Variants in SREBF1 observed in about 807,000 individuals in gnomAD.
SREBF1 encodes sterol regulatory element-binding protein 1.
A neutral mutation model predicts 100.1 loss-of-function variants in SREBF1; 45 were observed. The ratio of observed to expected loss-of-function variants is 0.45; its 90% confidence interval spans 0.35 to 0.58. The LOEUF (loss-of-function observed/expected upper bound fraction) is 0.58. Among genes scored for constraint, SREBF1 ranks in the 20% least tolerant of loss-of-function variants. The pLI is 0.00. For missense variants in SREBF1, 1,324 were observed against 1,539.4 expected (o/e 0.86, Z 2.34); for synonymous variants, 657 against 681.8 (o/e 0.96, Z 0.57).
In SREBF1 at chr17:17,812,714, T is replaced by C. The variant is rs778987370; in HGVS notation, c.3352A>G (p.Thr1118Ala). ...RVGMLAEAARTLEKLGDRRLL... is the reference protein window; with the variant it reads ...RVGMLAEAARALEKLGDRRLL... ...CGGCGATCGCCAAGCTTCTCGAGTG[T>C]GCGCGCCGCCTCAGCCAGCATGCCC... Residue 1118 changes from threonine (T) to alanine (A), a missense_variant, in exon 19 of 19, where the codon ACA (threonine) becomes GCA (alanine). Transcript: ENST00000261646. 1 of 1,595,980 alleles carries C rather than the reference T, an allele frequency of 6.3e-7. No individual in the cohort carries two copies. Among genetic ancestry groups the C allele is most frequent in the Non-Finnish European group, 8.5e-7 (1 of 1,171,542 alleles).
At chr17:17,828,776 T>C (rs1455668920) in intron 1 of SREBF1, among the ~76,000 whole-genome samples, 2 of 152,036 alleles carry the variant, frequency 1.3e-5, no homozygotes, top group African/African-American at 4.8e-5. Flanking sequence ...TAGCTGGGCA[T>C]GGTGGCATGA....
intron 1 of SREBF1, among the ~76,000 whole-genome samples, chr17:17,832,964 C>T (rs1192197366): frequency 6.6e-6 from 1 of 151,400 alleles, no homozygotes; most frequent in East Asian, 1.9e-4. Context: ...AAAAAACCGG[C>T]CTCAGTGTCC....
At chr17:17,819,893 G>C in intron 2 of SREBF1, 168 bp from the exon 3 acceptor site, 2 of 1,194,790 alleles carry the variant, frequency 1.7e-6, no homozygotes, top group East Asian at 5.1e-5. Flanking sequence ...CTTCAAGCCA[G>C]GCCTCCAGTG....
In SREBF1 at chr17:17,816,519, GCA is replaced by G; in HGVS notation, c.1983_1984del (p.Ala662Ter). On this transcript the variant is annotated frameshift_variant, in exon 10 of 19. Transcript: ENST00000261646. LOFTEE classifies it high-confidence loss of function. ...GGCTGCGTCTCGGGCGCTGGCGCTA[GCA>G]TCCACTCGCAGAGCACAGTCCTGCT... is the stretch of plus-strand genomic sequence containing the variant. 1.2e-6 allele frequency: 2 copies of G among 1,602,720 alleles called. No homozygotes were observed.
Position 17,820,208 on chromosome 17 carries a change from G to C in SREBF1, c.405C>G (p.Pro135=), listed in dbSNP as rs771418665. 6.2e-6 allele frequency: 10 copies of C among 1,613,518 alleles called. No homozygotes were observed. The highest frequency in any genetic ancestry group is 1.3e-5 in the African/African-American group (1 of 75,018). The part of the protein sequence containing the change: ...ESVPLSILQT[P]TPQPLPGALL... ...GGGCCCCTGGCAGGGGCTGTGGGGT[G>C]GGGGTCTGCAGGATGCTCAGTGGCA... is the stretch of plus-strand genomic sequence containing the variant. The change falls in exon 2 of 19, where the codon CCC becomes CCG. Residue 135 remains proline (P), a synonymous_variant. Coordinates refer to ENST00000261646, the MANE Select transcript of SREBF1 (RefSeq NM_004176.5).
rs1172544238 is a variant in SREBF1 at position 17,820,083 on chromosome 17, C to A, written c.523+7G>T. On this transcript the variant is annotated splice_region_variant and intron_variant, in intron 2 of 18. Transcript: ENST00000261646. ...GGGTGTCCCCTCCCGCCACACATCCCCCTTACCTGTAGAGAAGCCTCCCGG... is the reference window on the plus strand; with the variant it reads ...GGGTGTCCCCTCCCGCCACACATCCACCTTACCTGTAGAGAAGCCTCCCGG... 2 of 1,610,280 alleles carry A rather than the reference C, an allele frequency of 1.2e-6. No homozygotes were observed. The highest frequency in any genetic ancestry group is 2.7e-5 in the African/African-American group (2 of 74,848).
At chr17:17,815,730 C>T (rs2143012004) in intron 12 of SREBF1, 130 bp downstream of exon 12, 1 of 1,036,736 alleles carries the variant, frequency 9.6e-7, no homozygotes, top group Admixed American at 2.1e-5. Context: ...CTGCAACCCC[C>T]ACAGCAACAA....
intron 5 of SREBF1, 183 bp from the exon 6 acceptor site, chr17:17,818,557 C>A (rs1424312857): frequency 1.6e-6 from 1 of 634,712 alleles, no homozygotes; most frequent in East Asian, 2.8e-5. Flanking sequence ...CCAGGCCGGG[C>A]ATAGGGTTAG....
intron 16 of SREBF1, 114 bp from the exon 17 acceptor site, chr17:17,813,883 C>T (rs1310810219): frequency 7.2e-6 from 8 of 1,108,094 alleles, no homozygotes; most frequent in African/African-American, 4.6e-5. Context: ...GCACTGCACC[C>T]GCCTCACACA....
chr17:17,815,037 G>T (rs556284190), intron 13 of SREBF1, 93 bp from the exon 14 acceptor site: 1 of 1,328,630 alleles, frequency 7.5e-7, no homozygotes, highest in Non-Finnish European at 1.1e-6. Context: ...CTGGCCCCTG[G>T]CTCTGCAAAG....
rs759552832 is a variant in SREBF1, at chr17:17,812,593, CAG to C, written c.*27_*28del. 896 of 1,571,266 alleles carry C rather than the reference CAG, an allele frequency of 5.7e-4. 1 individual carries two copies. The highest frequency in any genetic ancestry group is 8.0e-4 in the Admixed American group (44 of 55,338). On this transcript the variant is annotated 3_prime_UTR_variant, in exon 19 of 19. Transcript: ENST00000261646. Reference sequence around the variant, plus strand: ...TGCACGGGACCAAAGTGGCTAGAGACAGGGGTGCTGAGGCCGGGGACACGGGG... The same window carrying C: ...TGCACGGGACCAAAGTGGCTAGAGACGGGTGCTGAGGCCGGGGACACGGGG...
At position 17,836,641 on chromosome 17, in the gene SREBF1, G is replaced by C. The variant is rs537152415; in HGVS notation, c.91+86C>G. On this transcript the variant is annotated intron_variant, in intron 1 of 18. Transcript: ENST00000261646. ...AGCACAGCACGGAGCTGGCGCCCGT[G>C]GGGGAGACAAAGGCCAGGGAGACAC... 1.3e-4 allele frequency: 181 copies of C among 1,355,772 alleles called. No individual in the cohort carries two copies. The South Asian group carries it at 2.1e-3, about 16-fold the overall frequency. The allele number at this position is 1,355,772 out of a possible 1,614,324, so 84.0% of individuals were successfully genotyped here.
At chr17:17,818,167 A>G in intron 6 of SREBF1, 93 bp downstream of exon 6, 1 of 600,018 alleles carries the variant, frequency 1.7e-6, no homozygotes, top group Non-Finnish European at 2.3e-6. Flanking sequence ...GCCAGAACCA[A>G]GGGTGGGGTG....
At chr17:17,823,673 G>A in intron 1 of SREBF1, 1 of 1,037,918 alleles carries the variant, frequency 9.6e-7, no homozygotes, top group Non-Finnish European at 1.3e-6. Context: ...GCCCCGCCCC[G>A]CCCCCAGCCC....
chr17:17,814,791 C>CGGGGGAGCTGAG, intron 14 of SREBF1, 44 bp from the exon 15 acceptor site: 1 of 1,609,596 alleles, frequency 6.2e-7, no homozygotes, highest in Non-Finnish European at 8.5e-7. Flanking sequence ...TCACGCTGCA[C>CGGGGGAGCTGAG]GGGGGAGCTG....
chr17:17,818,059 G>C (rs1310781244), intron 6 of SREBF1, 143 bp from the exon 7 acceptor site: 3 of 950,188 alleles, frequency 3.2e-6, no homozygotes, highest in Non-Finnish European at 4.9e-6. Flanking sequence ...TAGGGCCAAA[G>C]GGAGGCACCA....
intron 1 of SREBF1, among the ~76,000 whole-genome samples, chr17:17,834,467 GAAGA>G (rs2035102873): frequency 6.6e-6 from 1 of 152,188 alleles, no homozygotes; most frequent in African/African-American, 2.4e-5. Context: ...GTGTAATTGG[GAAGA>G]AAAACAGGAA....
intron 1 of SREBF1, chr17:17,823,622 CG>C: frequency 6.2e-7 from 1 of 1,605,394 alleles, no homozygotes; most frequent in Non-Finnish European, 8.5e-7. Context: ...CAAGGCGCGG[CG>C]GATTTTTGAA....
In SREBF1 at chr17:17,819,312, T is replaced by TC. The variant is rs1313092294; in HGVS notation, c.846+7dup. On this transcript the variant is annotated splice_region_variant and intron_variant, in intron 4 of 18. Coordinates refer to ENST00000261646, the MANE Select transcript of SREBF1 (RefSeq NM_004176.5). ...CCCACTCCCTTATGCCCTGCCCACG[T>TC]CACCCACCGGCAAAGGCCCTGTCTG... is the stretch of plus-strand genomic sequence containing the variant. 1.9e-6 allele frequency: 3 copies of TC among 1,613,626 alleles called. No individual in the cohort carries two copies. Among genetic ancestry groups the TC allele is most frequent in the Non-Finnish European group, 2.5e-6 (3 of 1,180,026 alleles).
Sources: allele counts gnomAD v4.1 joint callset (sites outside exome capture counted in the v4.1 genomes callset), GRCh38; gene constraint gnomAD v4.1.1; transcripts MANE v1.5; gene names NCBI Gene and HGNC (gene_info 2026-07-23, HGNC 2026-07-21).